The following MTCL2 variants were observed in gnomAD, a reference collection of about 807,000 sequenced individuals.
MTCL2 encodes microtubule cross-linking factor 2.
chr20:36,804,597 G>T, the MTCL2 span: 1 of 1,132,292 alleles, frequency 8.8e-7, no homozygotes, highest in Non-Finnish European at 1.3e-6. Flanking sequence ...CAAGTCTCTT[G>T]CCCTCTCTGG....
At chr20:36,854,955 C>A in the MTCL2 span, among the ~76,000 whole-genome samples, 2 of 152,146 alleles carry the variant, frequency 1.3e-5, no homozygotes, top group South Asian at 2.1e-4. Flanking sequence ...CAGGGATATA[C>A]GTTTGGGGGT....
At chr20:36,809,896 G>A in the MTCL2 span, 2 of 1,488,124 alleles carry the variant, frequency 1.3e-6, no homozygotes, top group Non-Finnish European at 1.8e-6. Context: ...CTTGACTTCA[G>A]AGGGCCCATA....
At chr20:36,808,217 A>G in the MTCL2 span, among the ~76,000 whole-genome samples, 1 of 150,952 alleles carries the variant, frequency 6.6e-6, no homozygotes, top group Non-Finnish European at 1.5e-5. Flanking sequence ...TTAGCTGGGC[A>G]TGGTGGCATG....
chr20:36,810,004 T>C, the MTCL2 span: 4 of 1,601,888 alleles, frequency 2.5e-6, no homozygotes, highest in African/African-American at 2.7e-5. Context: ...CTGGTTGAAA[T>C]TGTCGGCCTC....
At chr20:36,859,978 C>T in the MTCL2 span, 2 of 1,154,216 alleles carry the variant, frequency 1.7e-6, no homozygotes, top group Non-Finnish European at 2.2e-6. Context: ...CAACACAACA[C>T]CTCCAGTAAT....
At chr20:36,793,723 G>T in the MTCL2 span, 3 of 1,544,588 alleles carry the variant, frequency 1.9e-6, no homozygotes, top group Non-Finnish European at 2.6e-6. This position sits in a 1 kb window ranked among gnomAD's most constrained non-coding sequence, Gnocchi z 6.8. Context: ...CCTTGCTGCT[G>T]TCCAGCTTGG....
the MTCL2 span, among the ~76,000 whole-genome samples, chr20:36,819,785 A>C: frequency 2.0e-4 from 31 of 152,144 alleles, 1 homozygote; most frequent in South Asian, 1.9e-3. Context: ...TCAAATCCTA[A>C]AGAGACCTTT....
chr20:36,855,399 C>T, the MTCL2 span, among the ~76,000 whole-genome samples: 1 of 152,218 alleles, frequency 6.6e-6, no homozygotes, highest in Admixed American at 6.5e-5. Flanking sequence ...GCTGCTTCCA[C>T]CTGCTCTGAC....
the MTCL2 span, among the ~76,000 whole-genome samples, chr20:36,831,752 A>C: frequency 6.6e-6 from 1 of 152,194 alleles, no homozygotes; most frequent in Non-Finnish European, 1.5e-5. Context: ...TGGGGAGAAC[A>C]ACCCCTCAGT....
chr20:36,815,641 G>A, the MTCL2 span: 1 of 1,606,784 alleles, frequency 6.2e-7, no homozygotes, highest in Non-Finnish European at 8.5e-7. The surrounding 1 kb of genome is among the most constrained non-coding windows in gnomAD (Gnocchi z 5.3). Context: ...CAGCGCTGGA[G>A]GTTGGAGAGG....
At chr20:36,786,253 TC>T in the MTCL2 span, 1 of 1,221,098 alleles carries the variant, frequency 8.2e-7, no homozygotes, top group Non-Finnish European at 1.0e-6. Context: ...TTGGTCTCTC[TC>T]CCACTCACTG....
the MTCL2 span, chr20:36,793,147 C>CA: frequency 7.4e-7 from 1 of 1,352,476 alleles, no homozygotes; most frequent in Non-Finnish European, 9.8e-7. This position sits in a 1 kb window ranked among gnomAD's most constrained non-coding sequence, Gnocchi z 6.8. Context: ...TCAGGCGATC[C>CA]ACCCACCTCG....
the MTCL2 span, chr20:36,810,173 T>G: frequency 6.6e-7 from 1 of 1,518,880 alleles, no homozygotes; most frequent in East Asian, 2.4e-5. Flanking sequence ...ATAGAAATTG[T>G]GATCTAAGGA....
the MTCL2 span, among the ~76,000 whole-genome samples, chr20:36,861,111 G>A: frequency 2.0e-5 from 3 of 152,162 alleles, no homozygotes; most frequent in African/African-American, 7.2e-5. Flanking sequence ...GGGAGGCAGG[G>A]GTGAGGAACT....
the MTCL2 span, chr20:36,815,202 G>A: frequency 1.2e-6 from 2 of 1,613,954 alleles, no homozygotes; most frequent in African/African-American, 2.7e-5. This position sits in a 1 kb window ranked among gnomAD's most constrained non-coding sequence, Gnocchi z 5.3. Context: ...GGGCAGTGAT[G>A]AGAAGGACTC....
chr20:36,805,942 C>T, the MTCL2 span: 2 of 1,609,300 alleles, frequency 1.2e-6, no homozygotes, highest in Non-Finnish European at 1.7e-6. Flanking sequence ...AAGTACAGCT[C>T]CTTCATGCTG....
chr20:36,815,386 C>A, the MTCL2 span: 2 of 1,613,356 alleles, frequency 1.2e-6, no homozygotes, highest in Non-Finnish European at 8.5e-7. The surrounding 1 kb of genome is among the most constrained non-coding windows in gnomAD (Gnocchi z 5.3). Flanking sequence ...CACTCGTTGT[C>A]CAGACACAGC....
chr20:36,803,229 C>A, the MTCL2 span: 1 of 1,410,392 alleles, frequency 7.1e-7, no homozygotes, highest in Non-Finnish European at 9.4e-7. Context: ...AGACCCCTCA[C>A]TAGGGACTAA....
the MTCL2 span, chr20:36,802,971 A>C: frequency 1.9e-6 from 3 of 1,587,590 alleles, no homozygotes; most frequent in Non-Finnish European, 2.6e-6. Flanking sequence ...ACTGATCTGC[A>C]GCTGCCGAGT....
Sources: allele counts gnomAD v4.1 joint callset (sites outside exome capture counted in the v4.1 genomes callset), GRCh38; gene constraint gnomAD v4.1.1; non-coding constraint Gnocchi (gnomAD v3.1); transcripts MANE v1.5; gene names NCBI Gene and HGNC (gene_info 2026-07-23, HGNC 2026-07-21).